Variants in XKR4 observed in about 807,000 individuals in gnomAD.
XKR4 encodes XK related 4.
XKR4 carries 12 observed loss-of-function variants against 53.9 expected under a neutral mutation model. The observed-to-expected ratio is 0.22, with a 90% CI of 0.14 to 0.36. The LOEUF is 0.36. Ranked by LOEUF, XKR4 falls within the 10% of genes least tolerant of loss-of-function variation. The probability of loss-of-function intolerance (pLI) is 1.00; values close to 1 mark genes in which losing one functional copy is unlikely to be tolerated. For synonymous variants in XKR4, 354 were observed against 362.4 expected, an observed-to-expected ratio of 0.98 and a Z score of 0.26; for missense variants, 799 against 859.5, an observed-to-expected ratio of 0.93 and a Z score of 0.88.
chr8:55,501,464 C>T (rs1317714999), intron 2 of XKR4, among the ~76,000 whole-genome samples: 1 of 138,570 alleles, frequency 7.2e-6, no homozygotes, highest in African/African-American at 3.1e-5. Flanking sequence ...TAATTCTCCC[C>T]TCACCTCCAG....
intron 1 of XKR4, among the ~76,000 whole-genome samples, chr8:55,354,017 C>T (rs182185036): frequency 1.3e-3 from 200 of 152,144 alleles, no homozygotes; most frequent in African/African-American, 4.5e-3. Flanking sequence ...CCAAAATTAT[C>T]GAATTAAAAT....
intron 1 of XKR4, among the ~76,000 whole-genome samples, chr8:55,285,826 A>G (rs1818900679): frequency 6.6e-6 from 1 of 152,184 alleles, no homozygotes; most frequent in Non-Finnish European, 1.5e-5. Flanking sequence ...GAACGTGTTT[A>G]TCAACCCCTA....
In XKR4 at chr8:55,481,800, C is replaced by G. The variant is rs571324026; in HGVS notation, c.1007-41481C>G. On this transcript the variant is annotated intron_variant, in intron 2 of 2. Coordinates refer to ENST00000327381, the MANE Select transcript of XKR4 (RefSeq NM_052898.2). Reference sequence around the variant, plus strand: ...GCCAAAAGACACATGAAAAAATGCTCATCATCACTGGCCATCAGAGAAATT... The same window carrying G: ...GCCAAAAGACACATGAAAAAATGCTGATCATCACTGGCCATCAGAGAAATT... 3.0e-4 allele frequency among the ~76,000 whole-genome samples: 45 copies of G among 152,214 alleles called. No homozygotes were observed. The East Asian group carries it at 6.7e-3, about 23-fold the overall frequency.
chr8:55,145,889 C>T (rs984086371), intron 1 of XKR4, among the ~76,000 whole-genome samples: 1 of 152,136 alleles, frequency 6.6e-6, no homozygotes, highest in African/African-American at 2.4e-5. Context: ...TGAGTGGTTT[C>T]ATGTTTGGAA....
chr8:55,413,463 C>A (rs772655378), intron 2 of XKR4, among the ~76,000 whole-genome samples: 6 of 152,120 alleles, frequency 3.9e-5, no homozygotes, highest in Non-Finnish European at 8.8e-5. Flanking sequence ...TGACCTCAAG[C>A]GATCCACCTG....
chr8:55,374,454 A>G (rs994569888), intron 2 of XKR4, among the ~76,000 whole-genome samples: 2 of 152,186 alleles, frequency 1.3e-5, no homozygotes, highest in African/African-American at 4.8e-5. Flanking sequence ...CCTCAAGCTG[A>G]GTTGATAGTT....
intron 1 of XKR4, among the ~76,000 whole-genome samples, chr8:55,346,110 G>C (rs192043696): frequency 3.0e-3 from 438 of 148,332 alleles, no homozygotes; most frequent in Non-Finnish European, 4.9e-3. Flanking sequence ...TTTTGAGACA[G>C]AGTCTTGCTC....
At chr8:55,145,971 A>G (rs1455267787) in intron 1 of XKR4, among the ~76,000 whole-genome samples, 4 of 152,222 alleles carry the variant, frequency 2.6e-5, no homozygotes, top group African/African-American at 4.8e-5. Flanking sequence ...TTCATGTGGT[A>G]ATGTAGACAT....
At chr8:55,295,903 C>G (rs1819095003) in intron 1 of XKR4, among the ~76,000 whole-genome samples, 1 of 152,032 alleles carries the variant, frequency 6.6e-6, no homozygotes, top group African/African-American at 2.4e-5. Flanking sequence ...TTTTGTACTC[C>G]ACAAATCTAT....
At chr8:55,486,892 G>A (rs1487605241) in intron 2 of XKR4, among the ~76,000 whole-genome samples, 1 of 152,268 alleles carries the variant, frequency 6.6e-6, no homozygotes, top group South Asian at 2.1e-4. Flanking sequence ...TTATTGTGTT[G>A]TAAGGAATAC....
intron 1 of XKR4, among the ~76,000 whole-genome samples, chr8:55,286,463 G>C (rs1170268767): frequency 1.3e-5 from 2 of 152,188 alleles, no homozygotes; most frequent in Non-Finnish European, 2.9e-5. Flanking sequence ...TTGGTCTGGA[G>C]TACTGGGTGG....
At chr8:55,142,053 C>G in intron 1 of XKR4, 1 of 455,576 alleles carries the variant, frequency 2.2e-6, no homozygotes, top group Non-Finnish European at 4.4e-6. Flanking sequence ...CTGCCACCCC[C>G]AACAGCCTTG....
chr8:55,439,754 G>C (rs1038478074), intron 2 of XKR4, among the ~76,000 whole-genome samples: 2 of 152,078 alleles, frequency 1.3e-5, no homozygotes, highest in African/African-American at 4.8e-5. Flanking sequence ...ATATTTAATT[G>C]TACTTCCAGA....
intron 1 of XKR4, among the ~76,000 whole-genome samples, chr8:55,296,282 T>G (rs1819100002): frequency 6.6e-6 from 1 of 152,184 alleles, no homozygotes; most frequent in Non-Finnish European, 1.5e-5. Context: ...TTCCCTGGTT[T>G]AGAAGTTAGT....
chr8:55,298,204 G>T (rs1048530795), intron 1 of XKR4, among the ~76,000 whole-genome samples: 1 of 152,014 alleles, frequency 6.6e-6, no homozygotes, highest in Non-Finnish European at 1.5e-5. Context: ...AAGAATCCTA[G>T]AACTTCCTTT....
At chr8:55,336,202 G>T (rs551075575) in intron 1 of XKR4, among the ~76,000 whole-genome samples, 51 of 152,080 alleles carry the variant, frequency 3.4e-4, no homozygotes, top group Non-Finnish European at 5.7e-4. Context: ...TATGGGGGCG[G>T]GTCTTTTCTG....
At chr8:55,273,667 A>G (rs1818724723) in intron 1 of XKR4, among the ~76,000 whole-genome samples, 1 of 152,164 alleles carries the variant, frequency 6.6e-6, no homozygotes, top group Non-Finnish European at 1.5e-5. Context: ...ACTGAGCACA[A>G]GAAGACAGCT....
rs1301248856 is a variant in XKR4, at chr8:55,534,101, A to G, written c.*9874A>G. ...TGTTGAATAATTGATCTGTCTGAGTACAGTTGCTGCTTTTATTTCATTTCT... is the reference window on the plus strand; with the variant it reads ...TGTTGAATAATTGATCTGTCTGAGTGCAGTTGCTGCTTTTATTTCATTTCT... On this transcript the variant is annotated 3_prime_UTR_variant, in exon 3 of 3. Coordinates refer to ENST00000327381, the MANE Select transcript of XKR4 (RefSeq NM_052898.2). The G allele has an allele frequency of 6.6e-6, 1 of 152,106 alleles. No homozygotes were observed. Among genetic ancestry groups the G allele is most frequent in the Non-Finnish European group, 1.5e-5 (1 of 68,028 alleles). The allele number at this position is 152,106 out of a possible 1,614,324, so 9.4% of individuals were successfully genotyped here. A position where few individuals can be genotyped will look rare whatever the true frequency, so the allele number is the denominator to read the frequency against.
intron 1 of XKR4, among the ~76,000 whole-genome samples, chr8:55,229,011 CAA>C (rs775078352): frequency 6.7e-6 from 1 of 150,096 alleles, no homozygotes; most frequent in South Asian, 2.1e-4. Context: ...AACAAACAAA[CAA>C]AACAAAACAA....
Sources: gnomAD v4.1 joint callset for allele counts (sites outside exome capture counted in the v4.1 genomes callset) on GRCh38, gnomAD v4.1.1 for gene constraint, MANE v1.5 for transcripts, NCBI Gene and HGNC (gene_info 2026-07-23, HGNC 2026-07-21) for gene names.